Variants in RUNDC3B observed in about 807,000 individuals in gnomAD.
The protein encoded by RUNDC3B is RUN domain containing 3B.
In RUNDC3B, 33 loss-of-function variants were observed where a neutral mutation model predicts 58.4. The ratio of observed to expected loss-of-function variants is 0.56; its 90% CI spans 0.43 to 0.75. The LOEUF (loss-of-function observed/expected upper bound fraction) is 0.75, where lower values mean the gene tolerates loss of function less well. Among genes scored for constraint, RUNDC3B ranks in the 30% least tolerant of loss-of-function variants. The pLI, the probability that RUNDC3B is intolerant of heterozygous loss-of-function variation, is 0.00. For synonymous variants in RUNDC3B, 193 were observed against 195.2 expected (o/e 0.99, Z 0.10); for missense variants, 501 against 535.7 (o/e 0.94, Z 0.64).
chr7:87,733,132 G>GC (rs199599293), intron 4 of RUNDC3B, among the ~76,000 whole-genome samples: 59 of 151,976 alleles, frequency 3.9e-4, no homozygotes, highest in Admixed American at 2.5e-3. Context: ...ATGGACAGGC[G>GC]CCCCCCCATG....
chr7:87,771,289 TG>T (rs1282425034), intron 7 of RUNDC3B, among the ~76,000 whole-genome samples: 1 of 151,940 alleles, frequency 6.6e-6, no homozygotes, highest in Non-Finnish European at 1.5e-5. Context: ...GAAAGCCCAA[TG>T]GAATTAGTGA....
At chr7:87,714,916 G>A (rs1003795896) in intron 4 of RUNDC3B, among the ~76,000 whole-genome samples, 1 of 152,020 alleles carries the variant, frequency 6.6e-6, no homozygotes, top group Admixed American at 6.6e-5. Context: ...TCTGCAGGGG[G>A]AAGCACGTCA....
At chr7:87,736,287 A>G (rs1306248321) in intron 4 of RUNDC3B, among the ~76,000 whole-genome samples, 1 of 152,196 alleles carries the variant, frequency 6.6e-6, no homozygotes, top group Non-Finnish European at 1.5e-5. Flanking sequence ...GGAAAATTTG[A>G]AACATCACAT....
intron 2 of RUNDC3B, among the ~76,000 whole-genome samples, chr7:87,684,746 C>CAAAAAAAAAAAAAAAAA (rs71524694): frequency 1.6e-4 from 6 of 37,784 alleles, no homozygotes; most frequent in Non-Finnish European, 2.0e-4. Context: ...GACTCCGTCT[C>CAAAAAAAAAAAAAAAAA]AAAAAAAAAA....
rs565442571 is a variant in RUNDC3B at position 87,807,585 on chromosome 7, C to T, written c.1103+66C>T. The T allele has an allele frequency of 2.1e-4, 252 of 1,184,230 alleles. 1 individual carries two copies. In the South Asian group the frequency reaches 3.0e-3, roughly 14 times the overall value. The allele number at this position is 1,184,230 out of a possible 1,614,324, so 73.4% of individuals were successfully genotyped here. On this transcript the variant is annotated intron_variant, in intron 9 of 10. Coordinates refer to ENST00000394654, the MANE Select transcript of RUNDC3B (RefSeq NM_001134405.2). The stretch of plus-strand genomic sequence containing the variant: ...TTGTACCAAAACATATGGCTATCTA[C>T]TTTGGTTTCTCAGTTATTCTTTCTG...
At chr7:87,646,554 G>C (rs1349081909) in intron 1 of RUNDC3B, among the ~76,000 whole-genome samples, 1 of 152,146 alleles carries the variant, frequency 6.6e-6, no homozygotes, top group Non-Finnish European at 1.5e-5. Flanking sequence ...TGGATGCAGA[G>C]TTAGCTTTCT....
rs2130160242 is a variant in RUNDC3B, at chr7:87,628,586, TG to T, written c.-237del. The stretch of plus-strand genomic sequence containing the variant: ...AGGGCGGAGGTGGTGCGTGCGTGCG[TG>T]TGTGTGTGTGTGTGTGTGTGTGTGT... On this transcript the variant is annotated 5_prime_UTR_variant, in exon 1 of 11. Transcript: ENST00000394654. 4 of 15,916 alleles carry T rather than the reference TG, an allele frequency of 2.5e-4. No individual in the cohort carries two copies. In the Admixed American group the frequency reaches 2.9e-3, roughly 11 times the overall value. 1.0% of individuals were successfully genotyped at this position (15,916 alleles called of 1,614,324 possible).
intron 1 of RUNDC3B, among the ~76,000 whole-genome samples, chr7:87,648,049 G>T (rs954707501): frequency 3.3e-5 from 5 of 151,946 alleles, no homozygotes; most frequent in Non-Finnish European, 5.9e-5. Context: ...GCCGGGCTTG[G>T]TGGTGGGCGC....
chr7:87,685,913 G>C (rs1339721316), intron 2 of RUNDC3B, among the ~76,000 whole-genome samples: 2 of 152,244 alleles, frequency 1.3e-5, no homozygotes, highest in African/African-American at 4.8e-5. Flanking sequence ...CTAACTCCTT[G>C]ATCCTCACTT....
At chr7:87,717,679 A>T (rs950300681) in intron 4 of RUNDC3B, among the ~76,000 whole-genome samples, 1 of 152,124 alleles carries the variant, frequency 6.6e-6, no homozygotes, top group African/African-American at 2.4e-5. Flanking sequence ...CAGGAAAAGA[A>T]AAATTTATCA....
intron 8 of RUNDC3B, among the ~76,000 whole-genome samples, chr7:87,784,421 G>A (rs903912081): frequency 6.6e-6 from 1 of 152,046 alleles, no homozygotes; most frequent in Admixed American, 6.6e-5. Context: ...TCCCTTGAGG[G>A]TTTGACTGTT....
intron 4 of RUNDC3B, among the ~76,000 whole-genome samples, chr7:87,731,926 A>T (rs1297744550): frequency 6.6e-6 from 1 of 152,212 alleles, no homozygotes; most frequent in Non-Finnish European, 1.5e-5. Context: ...GACCTAATAG[A>T]TGTTGCACAG....
chr7:87,755,545 G>C (rs1228137766), intron 6 of RUNDC3B, among the ~76,000 whole-genome samples: 1 of 151,442 alleles, frequency 6.6e-6, no homozygotes, highest in Non-Finnish European at 1.5e-5. Context: ...AATCCACCAT[G>C]ATCAGTGCAA....
In RUNDC3B at chr7:87,628,625, G is replaced by GT. The variant is rs1491548397; in HGVS notation, c.-199_-198insT. ...TGTGTGTGTGTGTGTGTGTGTGTGT[G>GT]GAGCTCGGGTGCCAAGGGCGAGCCG... On this transcript the variant is annotated 5_prime_UTR_variant, in exon 1 of 11. Coordinates refer to ENST00000394654, the MANE Select transcript of RUNDC3B (RefSeq NM_001134405.2). The GT allele has an allele frequency of 2.4e-5, 7 of 291,670 alleles. No homozygotes were observed. The highest frequency in any genetic ancestry group is 2.3e-4 in the Admixed American group (4 of 17,346). The allele number at this position is 291,670 out of a possible 1,614,324, so 18.1% of individuals were successfully genotyped here. A position where few individuals can be genotyped will look rare whatever the true frequency, so the allele number is the denominator to read the frequency against.
At chr7:87,733,507 G>A (rs1295925569) in intron 4 of RUNDC3B, among the ~76,000 whole-genome samples, 1 of 152,162 alleles carries the variant, frequency 6.6e-6, no homozygotes, top group East Asian at 1.9e-4. Flanking sequence ...CATAAAGAAG[G>A]TGAAAAGATG....
intron 6 of RUNDC3B, among the ~76,000 whole-genome samples, chr7:87,748,193 C>A (rs1374834729): frequency 6.6e-6 from 1 of 152,160 alleles, no homozygotes; most frequent in African/African-American, 2.4e-5. Context: ...GCTCGGCTCT[C>A]CAGATTGACT....
At chr7:87,802,399 A>C (rs920678799) in intron 8 of RUNDC3B, among the ~76,000 whole-genome samples, 2 of 152,216 alleles carry the variant, frequency 1.3e-5, no homozygotes, top group Non-Finnish European at 2.9e-5. Flanking sequence ...TCTCAAAAAA[A>C]ATAAAAGATA....
intron 2 of RUNDC3B, among the ~76,000 whole-genome samples, chr7:87,667,054 G>A (rs1317656978): frequency 1.3e-5 from 2 of 152,140 alleles, no homozygotes; most frequent in African/African-American, 4.8e-5. Flanking sequence ...GATAGGAATA[G>A]CATTGAATCT....
chr7:87,770,518 A>G (rs1834219565), intron 6 of RUNDC3B, 63 bp from the exon 7 acceptor site: 2 of 1,304,932 alleles, frequency 1.5e-6, no homozygotes, highest in Non-Finnish European at 2.1e-6. Context: ...GCAAATGTAA[A>G]AGTGTTTAAG....
Sources: allele counts gnomAD v4.1 joint callset (sites outside exome capture counted in the v4.1 genomes callset), GRCh38; gene constraint gnomAD v4.1.1; transcripts MANE v1.5; gene names NCBI Gene and HGNC (gene_info 2026-07-23, HGNC 2026-07-21).